The following HEATR1 variants were observed in gnomAD, a reference collection of about 807,000 sequenced individuals.
HEATR1 encodes the protein HEAT repeat containing 1, also known as HEAT repeat-containing protein 1.
In HEATR1, 77 loss-of-function variants were observed where a neutral mutation model predicts 248.2. That is an observed-to-expected ratio of 0.31 (90% CI 0.26 to 0.37). The LOEUF (loss-of-function observed/expected upper bound fraction) is 0.37. Among genes scored for constraint, HEATR1 ranks in the 10% least tolerant of loss-of-function variants. The pLI is 1.00. For synonymous variants in HEATR1, 897 were observed against 923.1 expected (o/e 0.97, Z 0.51); for missense variants, 2,420 against 2,504.9 (o/e 0.97, Z 0.72).
At chr1:236,590,372 G>A (rs747067707) in intron 12 of HEATR1, among the ~76,000 whole-genome samples, 10 of 152,002 alleles carry the variant, frequency 6.6e-5, no homozygotes, top group South Asian at 2.1e-4. Flanking sequence ...GGACCAAAGC[G>A]TGTGCCACCA....
intron 20 of HEATR1, among the ~76,000 whole-genome samples, chr1:236,577,357 G>A (rs917793393): frequency 6.6e-6 from 1 of 152,164 alleles, no homozygotes; most frequent in Non-Finnish European, 1.5e-5. Flanking sequence ...CACCATGTTG[G>A]CCAGGCTGGT....
At position 236,595,626 on chromosome 1, in the gene HEATR1, T is replaced by C. The variant is rs141911723; in HGVS notation, c.1004A>G (p.His335Arg). 209 of 1,610,868 alleles carry C rather than the reference T, an allele frequency of 1.3e-4. 2 individuals are homozygous for C. In the East Asian group the frequency reaches 4.5e-3, roughly 35 times the overall value. Reference protein sequence around the residue: ...CNVPDLITILHGISETYDVSP... With the variant: ...CNVPDLITILRGISETYDVSP... ...GACATCGTAAGTTTCAGAAATCCCATGAAGTATTGTAATAAGATCAGGAAC... is the reference window on the plus strand; with the variant it reads ...GACATCGTAAGTTTCAGAAATCCCACGAAGTATTGTAATAAGATCAGGAAC... Residue 335 changes from histidine (H) to arginine (R), a missense_variant, in exon 8 of 45, where the codon CAT becomes CGT. Physicochemically the swap from His to Arg is conservative, Grantham distance 29. Coordinates refer to ENST00000366582, the MANE Select transcript of HEATR1 (RefSeq NM_018072.6).
intron 12 of HEATR1, among the ~76,000 whole-genome samples, chr1:236,588,842 G>A (rs1186920760): frequency 6.6e-6 from 1 of 152,160 alleles, no homozygotes; most frequent in African/African-American, 2.4e-5. Context: ...CAGGCACAGT[G>A]GTGCATGTCT....
At position 236,549,025 on chromosome 1, in the gene HEATR1, T is replaced by A; in HGVS notation, c.*1877A>T. On this transcript the variant is annotated 3_prime_UTR_variant, in exon 45 of 45. Transcript: ENST00000366582. ...ATGCATTCAATTTGAAAGATATTTA[T>A]GGGCAACAAAGTAAGGTCAGGATTA... The A allele has an allele frequency of 2.5e-6, 1 of 398,610 alleles. No individual in the cohort carries two copies. The highest frequency in any genetic ancestry group is 4.4e-6 in the Non-Finnish European group (1 of 226,060). 24.7% of individuals were successfully genotyped at this position (398,610 alleles called of 1,614,324 possible).
At chr1:236,578,050 C>T (rs1415896557) in intron 20 of HEATR1, among the ~76,000 whole-genome samples, 2 of 152,116 alleles carry the variant, frequency 1.3e-5, no homozygotes, top group East Asian at 1.9e-4. Context: ...TTTTCTTCTA[C>T]TTTTTTTCTG....
Position 236,594,025 on chromosome 1 carries a change from G to C in HEATR1, c.1180C>G (p.His394Asp). 1.3e-6 allele frequency: 2 copies of C among 1,587,540 alleles called. No homozygotes were observed. The highest frequency in any genetic ancestry group is 1.2e-5 in the South Asian group (1 of 85,218). ...TKISLKNNLD[H>D]LLASLLFEEY... The stretch of plus-strand genomic sequence containing the variant: ...ATAATAGCTTACCTAGCCAACAAAT[G>C]GTCTAAGTTGTTCTTCAGTGATATT... Residue 394 changes from histidine to aspartate, a missense_variant, in exon 9 of 45, where the codon CAT (histidine) becomes GAT (aspartate). Coordinates refer to ENST00000366582, the MANE Select transcript of HEATR1 (RefSeq NM_018072.6).
At chr1:236,582,904 G>C (rs771014962) in intron 18 of HEATR1, 32 bp from the exon 19 acceptor site, 2 of 1,611,558 alleles carry the variant, frequency 1.2e-6, no homozygotes, top group South Asian at 2.2e-5. Context: ...AATGATGCTA[G>C]ATCCTACATG....
At position 236,559,143 on chromosome 1, in the gene HEATR1, G is replaced by A; in HGVS notation, c.4771-8C>T. The A allele has an allele frequency of 2.6e-6, 4 of 1,530,670 alleles. No individual in the cohort carries two copies. The highest frequency in any genetic ancestry group is 3.5e-6 in the Non-Finnish European group (4 of 1,144,184). 94.8% of individuals were successfully genotyped at this position (1,530,670 alleles called of 1,614,324 possible). ...GGGCAGCAAGGCATTGACCTAAAGA[G>A]AAATTTTATATTTAACATGAAAAGA... is the stretch of plus-strand genomic sequence containing the variant. On this transcript the variant is annotated splice_polypyrimidine_tract_variant and splice_region_variant and intron_variant, in intron 34 of 44. Transcript: ENST00000366582.
intron 36 of HEATR1, 83 bp from the exon 37 acceptor site, chr1:236,557,428 C>T: frequency 7.0e-7 from 1 of 1,432,998 alleles, no homozygotes; most frequent in South Asian, 1.3e-5. Flanking sequence ...ATGAAAAAAA[C>T]CAGCAAACTG....
At position 236,572,790 on chromosome 1, in the gene HEATR1, C is replaced by T; in HGVS notation, c.3498G>A (p.Glu1166=). 1 of 1,613,990 alleles carries T rather than the reference C, an allele frequency of 6.2e-7. No individual in the cohort carries two copies. The highest frequency in any genetic ancestry group is 1.1e-5 in the South Asian group (1 of 91,086). Residue 1166 remains glutamate, a synonymous_variant, in exon 25 of 45, where the codon GAG becomes GAA. Transcript: ENST00000366582. The part of the protein sequence containing the change: ...VNAEQVRIEL[E]PPDKAKPLGT... ...CCAAGGGTTTAGCTTTATCTGGTGG[C>T]TCCAGTTCTATTCGGACTTGTTCAG...
intron 32 of HEATR1, among the ~76,000 whole-genome samples, chr1:236,564,172 T>G (rs1663209102): frequency 6.6e-6 from 1 of 152,206 alleles, no homozygotes; most frequent in Non-Finnish European, 1.5e-5. Context: ...ACACTGGAGT[T>G]GTTACCAGTT....
rs1213066078 is a variant in HEATR1, at chr1:236,596,937, C to T, written c.643G>A (p.Val215Met). 8 of 1,613,866 alleles carry T rather than the reference C, an allele frequency of 5.0e-6. No homozygotes were observed. Among genetic ancestry groups the T allele is most frequent in the Non-Finnish European group, 6.8e-6 (8 of 1,179,982 alleles). The part of the protein sequence containing the change: ...EYPGSSAQLR[V>M]LLAFYASTIV... ...GTAGAAGCATAGAAAGCCAAGAGCA[C>T]CCTCAACTGAGCTGAGCTGCCCGGG... The change falls in exon 6 of 45, where the codon GTG (valine) becomes ATG (methionine). Residue 215 changes from valine (V) to methionine (M), a missense_variant. Transcript: ENST00000366582.
chr1:236,576,398 T>C (rs759182518), intron 21 of HEATR1, 21 bp from the exon 22 acceptor site: 14 of 1,541,516 alleles, frequency 9.1e-6, no homozygotes, highest in South Asian at 6.2e-5. Context: ...AAAAAGAAAA[T>C]TGGATAAAAA....
intron 43 of HEATR1, among the ~76,000 whole-genome samples, chr1:236,553,159 C>T (rs1662830698): frequency 6.6e-6 from 1 of 152,074 alleles, no homozygotes; most frequent in Non-Finnish European, 1.5e-5. Context: ...GATCATAAGC[C>T]TAGTATCTAT....
Position 236,559,063 on chromosome 1 carries a change from C to T in HEATR1, c.4843G>A (p.Val1615Ile). The change falls in exon 35 of 45, where the codon GTT becomes ATT. Residue 1615 changes from valine (V) to isoleucine (I), a missense_variant. By Grantham distance (29) the Val-to-Ile change is conservative. Transcript: ENST00000366582. ...AAAAGGTCCAGCGCTTTGCGGCGAA[C>T]AGATGGCAGGGGATTGCCCACCAGC... ...RGLVGNPLPS[V>I]RRKALDLLNN... 6.2e-7 allele frequency: 1 copy of T among 1,612,970 alleles called. No individual in the cohort carries two copies.
intron 32 of HEATR1, 77 bp downstream of exon 32, chr1:236,564,421 C>A: frequency 7.9e-7 from 1 of 1,273,018 alleles, no homozygotes; most frequent in Non-Finnish European, 1.1e-6. Context: ...ATTTACCAAG[C>A]TACTTCTACT....
chr1:236,593,856 G>T (rs1266726752), intron 9 of HEATR1, among the ~76,000 whole-genome samples, 156 bp downstream of exon 9: 2 of 152,138 alleles, frequency 1.3e-5, no homozygotes, highest in Non-Finnish European at 2.9e-5. Flanking sequence ...TTTTAATGCT[G>T]CCAGTTACTG....
At chr1:236,593,060 G>A (rs1191463599) in intron 9 of HEATR1, among the ~76,000 whole-genome samples, 3 of 152,310 alleles carry the variant, frequency 2.0e-5, no homozygotes, top group South Asian at 2.1e-4. Context: ...TGGGCATGGT[G>A]GCACATGCCT....
chr1:236,581,228 A>C lies in HEATR1; in HGVS notation c.2749T>G (p.Ser917Ala). 1 of 1,611,496 alleles carries C rather than the reference A, an allele frequency of 6.2e-7. No homozygotes were observed. The highest frequency in any genetic ancestry group is 8.5e-7 in the Non-Finnish European group (1 of 1,177,906). The part of the protein sequence containing the change: ...QCKHQLASIS[S>A]PVVTSLLINL... The stretch of plus-strand genomic sequence containing the variant: ...ACAATGCTACTTTTAATACCTGGAG[A>C]AGATATGGATGCCAGTTGGTGTTTA... Residue 917 changes from serine to alanine, a missense_variant, in exon 20 of 45, where the codon TCT becomes GCT. Physicochemically the swap from Ser to Ala is moderately conservative, Grantham distance 99. Coordinates refer to ENST00000366582, the MANE Select transcript of HEATR1 (RefSeq NM_018072.6).
Sources: gnomAD v4.1 joint callset for allele counts (sites outside exome capture counted in the v4.1 genomes callset) on GRCh38, gnomAD v4.1.1 for gene constraint, MANE v1.5 for transcripts, NCBI Gene and HGNC (gene_info 2026-07-23, HGNC 2026-07-21) for gene names.